GSS: variants seen among roughly 807,000 people sequenced by gnomAD.
GSS encodes glutathione synthetase.
A neutral mutation model predicts 60.4 loss-of-function variants in GSS; 34 were observed. The observed-to-expected ratio is 0.56, with a 90% CI of 0.43 to 0.75. The LOEUF (loss-of-function observed/expected upper bound fraction) is 0.75. Ranked by LOEUF, GSS falls within the 30% of genes least tolerant of loss-of-function variation. GSS has a pLI of 0.00. For missense variants in GSS, 499 were observed against 595.1 expected (o/e 0.84, Z 1.68); for synonymous variants, 224 against 239.0 (o/e 0.94, Z 0.58).
intron 8 of GSS, among the ~76,000 whole-genome samples, chr20:34,935,996 C>A (rs934696562): frequency 6.6e-5 from 10 of 152,174 alleles, no homozygotes; most frequent in African/African-American, 2.4e-4. Context: ...TGTAGTAAAA[C>A]ACACTTTATA....
chr20:34,941,587 G>T, intron 6 of GSS, 126 bp downstream of exon 6: 3 of 726,918 alleles, frequency 4.1e-6, no homozygotes, highest in South Asian at 2.8e-5. Flanking sequence ...GCATGTAAAG[G>T]TATAAGTTTC....
In GSS at chr20:34,946,024, C is replaced by A. The variant is rs2081519190; in HGVS notation, c.204G>T (p.Val68=). Residue 68 remains valine (V), a synonymous_variant, in exon 3 of 13, where the codon GTG becomes GTT. Coordinates refer to ENST00000651619, the MANE Select transcript of GSS (RefSeq NM_000178.4). ...PSALLEQAYA[V]QMDFNLLVDA... The stretch of plus-strand genomic sequence containing the variant: ...CCACTAGCAGGTTGAAGTCCATCTG[C>A]ACAGCATAGGCTTGCTCCAGCAGGG... The A allele has an allele frequency of 2.5e-6, 4 of 1,614,002 alleles. No individual in the cohort carries two copies. In the Admixed American group the frequency reaches 6.7e-5, roughly 27 times the overall value.
In GSS at chr20:34,932,037, G is replaced by C. The variant is rs781257813; in HGVS notation, c.931C>G (p.Leu311Val). 6.2e-7 allele frequency: 1 copy of C among 1,614,190 alleles called. No individual in the cohort carries two copies. The highest frequency in any genetic ancestry group is 2.2e-5 in the East Asian group (1 of 44,886). ...LAGTKKVQQE[L>V]SRPGMLEMLL... ...ATCTCCAGCATGCCCGGCCTGCTTA[G>C]CTCCTGCTGCACCTTCTTAGTCCCA... Residue 311 changes from leucine (L) to valine (V), a missense_variant, in exon 10 of 13, where the codon CTA becomes GTA. Physicochemically the swap from Leu to Val is conservative, Grantham distance 32 (BLOSUM62 1). Coordinates refer to ENST00000651619, the MANE Select transcript of GSS (RefSeq NM_000178.4).
intron 2 of GSS, among the ~76,000 whole-genome samples, chr20:34,947,373 C>A (rs2081531024): frequency 6.6e-6 from 1 of 152,160 alleles, no homozygotes; most frequent in South Asian, 2.1e-4. Context: ...CAGGCATGAG[C>A]CACCATGCCC....
chr20:34,952,283 C>T (rs2081575197), intron 1 of GSS: 1 of 272,904 alleles, frequency 3.7e-6, no homozygotes, highest in East Asian at 9.1e-5. Flanking sequence ...CCCAGAGCTA[C>T]AGATTCCCTA....
At chr20:34,950,247 A>T (rs534858200) in intron 2 of GSS, 1 of 152,188 alleles carries the variant, frequency 6.6e-6, no homozygotes, top group Admixed American at 6.5e-5. Flanking sequence ...TTCACAGCCC[A>T]AGCAATTCTA....
rs1181743626 is a variant in GSS, at chr20:34,951,832, G to T, written c.21C>A (p.Ser7Arg). The change falls in exon 2 of 13, where the codon AGC becomes AGA. Residue 7 changes from serine to arginine, a missense_variant. Physicochemically the swap from Ser to Arg is moderately radical, Grantham distance 110 (BLOSUM62 -1). Transcript: ENST00000651619. ...CTAGCTGCTGTTTATCCTGCAAGAG[G>T]CTCCCCCAGTTGGTGGCCATCCCAA... The part of the protein sequence containing the change: MATNWG[S>R]LLQDKQQLEE... 1 of 1,614,032 alleles carries T rather than the reference G, an allele frequency of 6.2e-7. No individual in the cohort carries two copies. The highest frequency in any genetic ancestry group is 1.3e-5 in the African/African-American group (1 of 74,930).
chr20:34,928,910 A>C lies in GSS; in HGVS notation c.1343T>G (p.Leu448Arg). The change falls in exon 13 of 13, where the codon CTA (leucine) becomes CGA (arginine). Residue 448 changes from leucine (L) to arginine (R), a missense_variant. Transcript: ENST00000651619. ...ATGCTCGATGGCTTTGGTTCGAAGT[A>C]GATGCCCCACGTGCTTGTTCATCAC... is the stretch of plus-strand genomic sequence containing the variant. Reference protein sequence around the residue: ...TLVMNKHVGHLLRTKAIEHAD... With the variant: ...TLVMNKHVGHRLRTKAIEHAD... 6.2e-7 allele frequency: 1 copy of C among 1,613,896 alleles called. No individual in the cohort carries two copies. The highest frequency in any genetic ancestry group is 1.3e-5 in the African/African-American group (1 of 75,016).
intron 3 of GSS, among the ~76,000 whole-genome samples, chr20:34,943,291 A>G (rs2081498671): frequency 6.6e-6 from 1 of 152,228 alleles, no homozygotes; most frequent in African/African-American, 2.4e-5. Flanking sequence ...TTTATATCAT[A>G]GAGTTGTGGT....
At chr20:34,938,348 C>T (rs1399699974) in intron 6 of GSS, among the ~76,000 whole-genome samples, 1 of 152,186 alleles carries the variant, frequency 6.6e-6, no homozygotes, top group Non-Finnish European at 1.5e-5. Flanking sequence ...GTTTGCCTGA[C>T]TCCTTTCTGC....
chr20:34,935,752 C>T, intron 8 of GSS, 110 bp from the exon 9 acceptor site: 4 of 799,484 alleles, frequency 5.0e-6, no homozygotes, highest in Non-Finnish European at 8.6e-6. Flanking sequence ...CAAAATTCAG[C>T]CCACAGTGGG....
Position 34,929,550 on chromosome 20 carries a change from T to C in GSS, c.1152A>G (p.Lys384=), listed in dbSNP as rs1315616767. The change falls in exon 12 of 13, where the codon AAA becomes AAG. Residue 384 remains lysine (K), a synonymous_variant. Coordinates refer to ENST00000651619, the MANE Select transcript of GSS (RefSeq NM_000178.4). The stretch of plus-strand genomic sequence containing the variant: ...CCCTCTCCTCACTGTCCTTCAGCTG[T>C]TTCAGGGCCTGTACCATTTCCTCCC... ...LYGEEMVQAL[K]QLKDSEERAS... 1.9e-6 allele frequency: 3 copies of C among 1,614,028 alleles called. No individual in the cohort carries two copies. The African/African-American group carries it at 4.0e-5, about 22-fold the overall frequency.
chr20:34,931,982 G>A lies in GSS; in HGVS notation c.986C>T (p.Ala329Val), dbSNP rs1164095257. The A allele has an allele frequency of 6.2e-7, 1 of 1,614,192 alleles. No individual in the cohort carries two copies. Among genetic ancestry groups the A allele is most frequent in the Non-Finnish European group, 8.5e-7 (1 of 1,180,036 alleles). ...GCCAGCAAAGGTGGCGCGGAGGCGGGCCACAGCCTCAGGCTGGCCAGGGAG... is the reference window on the plus strand; with the variant it reads ...GCCAGCAAAGGTGGCGCGGAGGCGGACCACAGCCTCAGGCTGGCCAGGGAG... ...MLLPGQPEAV[A>V]RLRATFAGLY... The change falls in exon 10 of 13, where the codon GCC (alanine) becomes GTC (valine). Residue 329 changes from alanine (A) to valine (V), a missense_variant. By Grantham distance (64) the Ala-to-Val change is moderately conservative (BLOSUM62 0). Coordinates refer to ENST00000651619, the MANE Select transcript of GSS (RefSeq NM_000178.4).
chr20:34,931,355 C>T lies in GSS; in HGVS notation c.1092G>A (p.Lys364=). 1 of 1,614,144 alleles carries T rather than the reference C, an allele frequency of 6.2e-7. No individual in the cohort carries two copies. ...ALAAPSRFVL[K]PQREGGGNNL... is the part of the protein sequence containing the mutation. Reference sequence around the variant, plus strand: ...ACCTACCTCCACCCTCTCTCTGGGGCTTTAGCACAAACCGGCTAGGGGCAG... The same window carrying T: ...ACCTACCTCCACCCTCTCTCTGGGGTTTTAGCACAAACCGGCTAGGGGCAG... Residue 364 remains lysine, a synonymous_variant, in exon 11 of 13, where the codon AAG becomes AAA. Coordinates refer to ENST00000651619, the MANE Select transcript of GSS (RefSeq NM_000178.4).
intron 4 of GSS, 33 bp from the exon 5 acceptor site, chr20:34,942,660 C>A: frequency 2.5e-6 from 4 of 1,608,616 alleles, no homozygotes; most frequent in Non-Finnish European, 3.4e-6. Context: ...ACAGTACCTG[C>A]CCAGGGACTG....
rs760812334 is a variant in GSS at position 34,951,735 on chromosome 20, T to C, written c.118A>G (p.Thr40Ala). 3.7e-6 allele frequency: 6 copies of C among 1,608,894 alleles called. No homozygotes were observed. Among genetic ancestry groups the C allele is most frequent in the Non-Finnish European group, 5.1e-6 (6 of 1,177,344 alleles). ...AGCTAGGGGCTTACCTCCGAGGAAG[T>C]GGGCTCCTGTGAGGTCCTCAGCAAT... ...GVLLRTSQEPTSSEVVSYAPF... is the reference protein window; with the variant it reads ...GVLLRTSQEPASSEVVSYAPF... The change falls in exon 2 of 13, where the codon ACT becomes GCT. Residue 40 changes from threonine to alanine, a missense_variant. By Grantham distance (58) the Thr-to-Ala change is moderately conservative. Transcript: ENST00000651619.
intron 1 of GSS, among the ~76,000 whole-genome samples, chr20:34,953,556 CCTT>C (rs1411052054): frequency 6.6e-6 from 1 of 150,942 alleles, no homozygotes; most frequent in African/African-American, 2.4e-5. Flanking sequence ...TCCCTTCCCT[CCTT>C]CTTTCCTTCC....
intron 6 of GSS, among the ~76,000 whole-genome samples, chr20:34,937,983 G>A (rs1457296746): frequency 3.3e-5 from 5 of 152,016 alleles, no homozygotes; most frequent in African/African-American, 9.7e-5. Flanking sequence ...TCAGCCTCCC[G>A]GGTAGCTGGG....
chr20:34,931,811 G>A (rs2081403480), intron 10 of GSS, 128 bp downstream of exon 10: 4 of 829,018 alleles, frequency 4.8e-6, no homozygotes, highest in Non-Finnish European at 8.1e-6. Flanking sequence ...GTTCTCCAGA[G>A]CATCACCAAC....
Sources: allele counts gnomAD v4.1 joint callset (sites outside exome capture counted in the v4.1 genomes callset), GRCh38; gene constraint gnomAD v4.1.1; transcripts MANE v1.5; gene names NCBI Gene and HGNC (gene_info 2026-07-23, HGNC 2026-07-21).